Variants in RAPGEF4 observed in about 807,000 individuals in gnomAD.
The protein encoded by RAPGEF4 is Rap guanine nucleotide exchange factor 4.
Under a neutral mutation model 147.9 loss-of-function variants are expected in RAPGEF4, and 66 were observed. The observed-to-expected ratio is 0.45, with a 90% CI of 0.37 to 0.55. RAPGEF4 has a LOEUF of 0.55. Ranked by LOEUF, RAPGEF4 falls within the 20% of genes least tolerant of loss-of-function variation. The pLI is 0.00. For missense variants in RAPGEF4, 1,071 were observed against 1,257.3 expected (o/e 0.85, Z 2.24); for synonymous variants, 419 against 442.7 (o/e 0.95, Z 0.67).
At position 172,811,817 on chromosome 2, in the gene RAPGEF4, C is replaced by A. The variant is rs977726393; in HGVS notation, c.298-2462C>A. On this transcript the variant is annotated intron_variant, in intron 3 of 30. Transcript: ENST00000397081. ...ACGTGCTGAGCAACATATATTAGTTCTGCTAAGTGAGAGAACATTTGGATG... is the reference window on the plus strand; with the variant it reads ...ACGTGCTGAGCAACATATATTAGTTATGCTAAGTGAGAGAACATTTGGATG... Among the ~76,000 whole-genome samples the A allele has an allele frequency of 3.3e-5, 5 of 152,202 alleles. No homozygotes were observed. In the South Asian group the frequency reaches 1.0e-3, roughly 32 times the overall value.
rs528870507 is a variant in RAPGEF4 at position 173,038,543 on chromosome 2, C to T, written c.2853+1851C>T. Among the ~76,000 whole-genome samples the T allele has an allele frequency of 2.0e-5, 3 of 152,230 alleles. No homozygotes were observed. In the South Asian group the frequency reaches 6.2e-4, roughly 32 times the overall value. ...ATAAGTGGGAGTTGAACAATGAGAA[C>T]ACATGGACACAGGGAGGGGAACATC... On this transcript the variant is annotated intron_variant, in intron 29 of 30. Coordinates refer to ENST00000397081, the MANE Select transcript of RAPGEF4 (RefSeq NM_007023.4).
chr2:172,801,721 T>C (rs1260160207), intron 3 of RAPGEF4, among the ~76,000 whole-genome samples: 2 of 151,954 alleles, frequency 1.3e-5, no homozygotes. Context: ...ATTGTGGTTG[T>C]ATAGGTGCCA....
intron 6 of RAPGEF4, among the ~76,000 whole-genome samples, chr2:172,930,643 C>G (rs529933078): frequency 6.6e-6 from 1 of 152,248 alleles, no homozygotes; most frequent in South Asian, 2.1e-4. Context: ...CTGCCAGCCA[C>G]CCCCACTCAA....
chr2:172,839,540 G>A (rs1239459655), intron 4 of RAPGEF4, among the ~76,000 whole-genome samples: 1 of 152,034 alleles, frequency 6.6e-6, no homozygotes, highest in Non-Finnish European at 1.5e-5. Context: ...TCATTATTTG[G>A]TATTGGTGGG....
intron 1 of RAPGEF4, among the ~76,000 whole-genome samples, chr2:172,792,839 C>CAGATTA (rs1238066045): frequency 1.3e-5 from 2 of 152,170 alleles, no homozygotes; most frequent in Non-Finnish European, 2.9e-5. Context: ...GATAATGTAC[C>CAGATTA]TGCCACTTAC....
intron 6 of RAPGEF4, among the ~76,000 whole-genome samples, chr2:172,955,793 C>T (rs72894158): frequency 0.034 from 5,205 of 152,166 alleles, 147 homozygotes; most frequent in Middle Eastern, 0.071. Context: ...GAAGAGTATC[C>T]GGGAGGATAT....
chr2:173,025,053 C>G (rs1467742325), intron 23 of RAPGEF4, among the ~76,000 whole-genome samples: 1 of 152,238 alleles, frequency 6.6e-6, no homozygotes, highest in Non-Finnish European at 1.5e-5. Context: ...CACATTCATT[C>G]CAAATACCCA....
intron 4 of RAPGEF4, among the ~76,000 whole-genome samples, chr2:172,857,174 GCACACACA>G (rs34315927): frequency 2.7e-5 from 4 of 150,044 alleles, no homozygotes; most frequent in Middle Eastern, 3.2e-3. Flanking sequence ...GTGTGCGCGC[GCACACACA>G]CACACACACA....
intron 4 of RAPGEF4, among the ~76,000 whole-genome samples, chr2:172,879,567 G>A (rs1263967883): frequency 6.6e-6 from 1 of 152,054 alleles, no homozygotes; most frequent in African/African-American, 2.4e-5. Flanking sequence ...TTGGGAGGCC[G>A]AGACGAGCAG....
intron 4 of RAPGEF4, among the ~76,000 whole-genome samples, chr2:172,908,009 G>A (rs535406868): frequency 3.3e-5 from 5 of 152,262 alleles, no homozygotes; most frequent in Admixed American, 2.0e-4. Context: ...TAGTGGAATC[G>A]GAATTAAGAC....
At chr2:173,041,320 C>T (rs754499742) in intron 29 of RAPGEF4, among the ~76,000 whole-genome samples, 1 of 152,160 alleles carries the variant, frequency 6.6e-6, no homozygotes, top group Admixed American at 6.5e-5. Flanking sequence ...TCCCAGAGCT[C>T]TCCAACACAA....
At position 173,051,832 on chromosome 2, in the gene RAPGEF4, G is replaced by T; in HGVS notation, c.*65G>T. On this transcript the variant is annotated 3_prime_UTR_variant, in exon 31 of 31. Coordinates refer to ENST00000397081, the MANE Select transcript of RAPGEF4 (RefSeq NM_007023.4). ...ACAATCTTTCAAAAATGCCATTTAT[G>T]CTACTACTGACTGTATTGCCACTAG... The T allele has an allele frequency of 6.3e-7, 1 of 1,575,594 alleles. No individual in the cohort carries two copies. The highest frequency in any genetic ancestry group is 8.7e-7 in the Non-Finnish European group (1 of 1,149,708).
At chr2:172,951,382 A>G (rs1688195399) in intron 6 of RAPGEF4, among the ~76,000 whole-genome samples, 1 of 152,258 alleles carries the variant, frequency 6.6e-6, no homozygotes, top group Non-Finnish European at 1.5e-5. Context: ...CATTCATTCA[A>G]TAAATCCTTG....
chr2:172,811,062 G>C (rs1197337333), intron 3 of RAPGEF4, among the ~76,000 whole-genome samples: 1 of 152,206 alleles, frequency 6.6e-6, no homozygotes, highest in Non-Finnish European at 1.5e-5. Context: ...ACTCCTTCAG[G>C]GGGCCTGCTA....
At chr2:172,743,818 T>C (rs924604328) in intron 1 of RAPGEF4, among the ~76,000 whole-genome samples, 1 of 152,170 alleles carries the variant, frequency 6.6e-6, no homozygotes, top group African/African-American at 2.4e-5. Context: ...CATCTTGTAA[T>C]CCCAGGAGCA....
At chr2:172,996,602 T>C in intron 16 of RAPGEF4, 48 bp downstream of exon 16, 4 of 1,314,994 alleles carry the variant, frequency 3.0e-6, no homozygotes, top group Non-Finnish European at 4.2e-6. Context: ...ATGCATAGCA[T>C]TGTTTAAAAG....
upstream of RAPGEF4, chr2:172,735,833 C>T (rs1206836601): frequency 2.0e-6 from 1 of 506,074 alleles, no homozygotes; most frequent in Non-Finnish European, 2.8e-6. Flanking sequence ...CGCGGGAGCC[C>T]GCGGGGAGGG....
At chr2:172,910,918 G>A (rs1176222598) in intron 4 of RAPGEF4, among the ~76,000 whole-genome samples, 1 of 152,166 alleles carries the variant, frequency 6.6e-6, no homozygotes, top group Non-Finnish European at 1.5e-5. Context: ...CAAAAGGAGG[G>A]GAACTAGATG....
At chr2:172,946,101 A>G (rs1391477965) in intron 6 of RAPGEF4, among the ~76,000 whole-genome samples, 1 of 152,244 alleles carries the variant, frequency 6.6e-6, no homozygotes, top group East Asian at 1.9e-4. Flanking sequence ...ATGTTAAATT[A>G]TGCTGTATAC....
Sources: gnomAD v4.1 joint callset for allele counts (sites outside exome capture counted in the v4.1 genomes callset) on GRCh38, gnomAD v4.1.1 for gene constraint, MANE v1.5 for transcripts, NCBI Gene and HGNC (gene_info 2026-07-23, HGNC 2026-07-21) for gene names.